CNTNAP5: variants seen among roughly 807,000 people sequenced by gnomAD.
The protein encoded by CNTNAP5 is contactin associated protein family member 5.
A neutral mutation model predicts 150.2 loss-of-function variants in CNTNAP5; 72 were observed. The ratio of observed to expected loss-of-function variants is 0.48; its 90% CI spans 0.40 to 0.58. The LOEUF (loss-of-function observed/expected upper bound fraction) is 0.58, where lower values mean the gene tolerates loss of function less well. CNTNAP5 is among the 20% of genes least tolerant of loss of function. CNTNAP5 has a pLI of 0.00. For missense variants in CNTNAP5, 1,636 were observed against 1,626.2 expected (o/e 1.01, Z -0.10); for synonymous variants, 672 against 619.8 (o/e 1.08, Z -1.25).
intron 6 of CNTNAP5, among the ~76,000 whole-genome samples, chr2:124,467,291 T>G (rs1300047642): frequency 6.6e-6 from 1 of 151,210 alleles, no homozygotes; most frequent in East Asian, 1.9e-4. Context: ...TGCTGCCAGA[T>G]GAATGAACTA....
At chr2:124,199,685 G>A (rs770803894) in intron 1 of CNTNAP5, among the ~76,000 whole-genome samples, 76 of 152,238 alleles carry the variant, frequency 5.0e-4, no homozygotes, top group Non-Finnish European at 9.1e-4. Flanking sequence ...AACGAGCTGG[G>A]ATTACAGGCA....
intron 1 of CNTNAP5, among the ~76,000 whole-genome samples, chr2:124,031,714 G>A (rs565355427): frequency 6.6e-6 from 1 of 152,084 alleles, no homozygotes; most frequent in Admixed American, 6.5e-5. Context: ...TTTAATGAGT[G>A]TTGCTTATAG....
intron 3 of CNTNAP5, among the ~76,000 whole-genome samples, chr2:124,249,912 T>C (rs1469336294): frequency 3.3e-5 from 5 of 152,114 alleles, no homozygotes; most frequent in Admixed American, 3.3e-4. Flanking sequence ...AAGAGATTTT[T>C]AAACTAATCC....
rs540952121 is a variant in CNTNAP5 at position 124,628,805 on chromosome 2, T to C, written c.1876+18885T>C. On this transcript the variant is annotated intron_variant, in intron 12 of 23. Transcript: ENST00000682447. ...TAAGACCAGACCCATCAGTGTGCCATATTAAAGAGACACATCTCATGTCCA... is the reference window on the plus strand; with the variant it reads ...TAAGACCAGACCCATCAGTGTGCCACATTAAAGAGACACATCTCATGTCCA... Among the ~76,000 whole-genome samples the C allele has an allele frequency of 7.2e-5, 11 of 152,240 alleles. No individual in the cohort carries two copies. The East Asian group carries it at 1.5e-3, about 21-fold the overall frequency.
chr2:124,378,826 C>T (rs902809416), intron 3 of CNTNAP5, among the ~76,000 whole-genome samples: 1 of 152,062 alleles, frequency 6.6e-6, no homozygotes, highest in Admixed American at 6.6e-5. Context: ...GGTGGATACT[C>T]GTTACTCTCT....
chr2:124,164,499 A>G (rs542812093), intron 1 of CNTNAP5, among the ~76,000 whole-genome samples: 1 of 152,340 alleles, frequency 6.6e-6, no homozygotes, highest in African/African-American at 2.4e-5. Flanking sequence ...TCCTCCTGAA[A>G]TAATATCTCT....
chr2:124,649,921 G>C (rs1051354747), intron 13 of CNTNAP5, among the ~76,000 whole-genome samples: 1 of 152,152 alleles, frequency 6.6e-6, no homozygotes, highest in African/African-American at 2.4e-5. Flanking sequence ...CAAGCACAAA[G>C]GGAAATTTTA....
At chr2:124,337,303 T>G (rs1200469929) in intron 3 of CNTNAP5, among the ~76,000 whole-genome samples, 3 of 152,172 alleles carry the variant, frequency 2.0e-5, no homozygotes, top group Non-Finnish European at 4.4e-5. Context: ...TTGCAAAAAT[T>G]TTCTCCCATT....
At chr2:124,510,746 C>G (rs1411351159) in intron 8 of CNTNAP5, among the ~76,000 whole-genome samples, 1 of 151,832 alleles carries the variant, frequency 6.6e-6, no homozygotes, top group East Asian at 1.9e-4. Context: ...TTCCCCGTGC[C>G]CCATGAAACA....
Position 124,057,594 on chromosome 2 carries a change from A to T in CNTNAP5, c.82+31862A>T, listed in dbSNP as rs574447958. The stretch of plus-strand genomic sequence containing the variant: ...CATGAGCCACCGCTCCTGGCCAACA[A>T]GTCCATTCTTAATTCATAGATATAT... On this transcript the variant is annotated intron_variant, in intron 1 of 23. Transcript: ENST00000682447. 8.6e-5 allele frequency among the ~76,000 whole-genome samples: 13 copies of T among 151,718 alleles called. No homozygotes were observed. In the East Asian group the frequency reaches 2.5e-3, roughly 29 times the overall value.
In CNTNAP5 at chr2:124,446,981, A is replaced by G. The variant is rs779220730; in HGVS notation, c.918+44A>G. 6 of 1,571,982 alleles carry G rather than the reference A, an allele frequency of 3.8e-6. No homozygotes were observed. The East Asian group carries it at 1.3e-4, about 35-fold the overall frequency. On this transcript the variant is annotated intron_variant, in intron 6 of 23. Coordinates refer to ENST00000682447, the MANE Select transcript of CNTNAP5 (RefSeq NM_001367498.1). Reference sequence around the variant, plus strand: ...CTGCACCTCCTCGGCCCCTTGCTTCAATGAACGCAGCAAGAAAATCAGTGA... The same window carrying G: ...CTGCACCTCCTCGGCCCCTTGCTTCGATGAACGCAGCAAGAAAATCAGTGA...
intron 13 of CNTNAP5, among the ~76,000 whole-genome samples, chr2:124,657,556 C>T (rs986257611): frequency 6.6e-6 from 1 of 152,174 alleles, no homozygotes; most frequent in African/African-American, 2.4e-5. Context: ...CATTTCCCCA[C>T]AGCGGATATC....
intron 19 of CNTNAP5, among the ~76,000 whole-genome samples, chr2:124,838,470 A>C (rs1262184004): frequency 1.3e-5 from 2 of 152,174 alleles, no homozygotes; most frequent in African/African-American, 4.8e-5. Context: ...CTATCTTTGA[A>C]AGGGGTGTCT....
chr2:124,379,261 G>A (rs970192543), intron 3 of CNTNAP5, among the ~76,000 whole-genome samples: 1 of 151,882 alleles, frequency 6.6e-6, no homozygotes, highest in Non-Finnish European at 1.5e-5. Context: ...ATGTATAATG[G>A]CATGTGCCCA....
chr2:124,156,973 A>T (rs141894628), intron 1 of CNTNAP5, among the ~76,000 whole-genome samples: 49 of 152,282 alleles, frequency 3.2e-4, no homozygotes, highest in African/African-American at 1.2e-3. Flanking sequence ...AAATCACCTG[A>T]TAGTTATGGA....
chr2:124,784,105 A>G (rs1223150121), intron 17 of CNTNAP5, among the ~76,000 whole-genome samples: 1 of 152,188 alleles, frequency 6.6e-6, no homozygotes, highest in Admixed American at 6.5e-5. Context: ...GCTGAACTTC[A>G]GTAGAAAACA....
At chr2:124,205,595 T>A (rs1034198246) in intron 1 of CNTNAP5, among the ~76,000 whole-genome samples, 68 of 152,094 alleles carry the variant, frequency 4.5e-4, no homozygotes, top group Non-Finnish European at 3.7e-4. Flanking sequence ...ATTTTTGTAT[T>A]TTTAGTAGAG....
chr2:124,781,020 G>A (rs538216959), intron 17 of CNTNAP5, among the ~76,000 whole-genome samples: 1 of 152,304 alleles, frequency 6.6e-6, no homozygotes, highest in African/African-American at 2.4e-5. Flanking sequence ...GGGTGCTTCG[G>A]TGGAGTTTGG....
intron 8 of CNTNAP5, among the ~76,000 whole-genome samples, chr2:124,519,124 C>G (rs1181738798): frequency 2.0e-5 from 3 of 151,590 alleles, no homozygotes; most frequent in Non-Finnish European, 2.9e-5. Context: ...ATAAAGTGCC[C>G]AGAATAGGCA....
Sources: gnomAD v4.1 joint callset for allele counts (sites outside exome capture counted in the v4.1 genomes callset) on GRCh38, gnomAD v4.1.1 for gene constraint, MANE v1.5 for transcripts, NCBI Gene and HGNC (gene_info 2026-07-23, HGNC 2026-07-21) for gene names.